The following VPS26B variants were observed in gnomAD, a reference collection of about 807,000 sequenced individuals.
VPS26B encodes vacuolar protein sorting-associated protein 26B.
In VPS26B, 10 loss-of-function variants were observed where a neutral mutation model predicts 33.3. The observed-to-expected ratio is 0.30, with a 90% CI of 0.19 to 0.51. VPS26B has a LOEUF of 0.51. Ranked by LOEUF, VPS26B falls within the 20% of genes least tolerant of loss-of-function variation. The pLI is 0.98. For synonymous variants in VPS26B, 190 were observed against 176.9 expected (o/e 1.07, Z -0.59); for missense variants, 317 against 452.7 (o/e 0.70, Z 2.72).
chr11:134,225,330 T>G lies in VPS26B; in HGVS notation c.208T>G (p.Phe70Val). ...GGAGCACCAGGGCATCAAGATCGAG[T>G]TCATCGGGCAGATCGGTGAGTCGAC... ...RLEHQGIKIEFIGQIELYYDR... is the reference protein window; with the variant it reads ...RLEHQGIKIEVIGQIELYYDR... Residue 70 changes from phenylalanine to valine, a missense_variant, in exon 1 of 6, where the codon TTC (phenylalanine) becomes GTC (valine). Transcript: ENST00000281187. The G allele has an allele frequency of 6.2e-7, 1 of 1,613,136 alleles. No homozygotes were observed. The highest frequency in any genetic ancestry group is 8.5e-7 in the Non-Finnish European group (1 of 1,179,682).
In VPS26B at chr11:134,244,730, G is replaced by A; in HGVS notation, c.722-208G>A. On this transcript the variant is annotated intron_variant, in intron 4 of 5. Transcript: ENST00000281187. The surrounding 1 kb of genome is among the most constrained non-coding windows in gnomAD (Gnocchi z 4.0). ...GCTCTCTGTTTTCGAGAAGACATGA[G>A]AAGCTGCAACATGACCTGGAGTGGA... 1.7e-6 allele frequency: 1 copy of A among 572,782 alleles called. No individual in the cohort carries two copies. The highest frequency in any genetic ancestry group is 3.0e-6 in the Non-Finnish European group (1 of 334,906). The allele number at this position is 572,782 out of a possible 1,614,324, so 35.5% of individuals were successfully genotyped here.
In VPS26B at chr11:134,225,021, C is replaced by A; in HGVS notation, c.-102C>A. ...GCCAGGCAGCCCCGCGGCGGCCGAG[C>A]GCGCTCGCGCATCGGGCCCTCTGGC... On this transcript the variant is annotated 5_prime_UTR_variant, in exon 1 of 6. Coordinates refer to ENST00000281187, the MANE Select transcript of VPS26B (RefSeq NM_052875.5). 1.8e-6 allele frequency: 2 copies of A among 1,138,704 alleles called. No individual in the cohort carries two copies. The highest frequency in any genetic ancestry group is 2.3e-6 in the Non-Finnish European group (2 of 871,850). 70.5% of individuals were successfully genotyped at this position (1,138,704 alleles called of 1,614,324 possible). A position where few individuals can be genotyped will look rare whatever the true frequency, so the allele number is the denominator to read the frequency against.
chr11:134,243,433 C>T (rs1448595458), intron 4 of VPS26B, 139 bp downstream of exon 4: 3 of 1,044,020 alleles, frequency 2.9e-6, no homozygotes, highest in African/African-American at 3.2e-5. Context: ...TCAGTTTACA[C>T]CGTGGGTGGC....
chr11:134,235,191 A>G (rs1938613513), intron 2 of VPS26B, 138 bp downstream of exon 2: 1 of 1,138,788 alleles, frequency 8.8e-7, no homozygotes. Context: ...CGTGCTGGTA[A>G]ACCATTAACC....
intron 3 of VPS26B, 69 bp from the exon 4 acceptor site, chr11:134,243,050 C>T (rs543897242): frequency 1.4e-4 from 210 of 1,529,674 alleles, no homozygotes; most frequent in Non-Finnish European, 1.8e-4. Context: ...GTGGCGTGTG[C>T]GCTCTACTGA....
Position 134,240,369 on chromosome 11 carries a change from C to T in VPS26B, c.545+214C>T, listed in dbSNP as rs1197540563. On this transcript the variant is annotated intron_variant, in intron 3 of 5. Coordinates refer to ENST00000281187, the MANE Select transcript of VPS26B (RefSeq NM_052875.5). The surrounding 1 kb of genome is among the most constrained non-coding windows in gnomAD (Gnocchi z 4.4). The stretch of plus-strand genomic sequence containing the variant: ...AAACACTTCATTTACCTAAACTAAA[C>T]CATATTCAACTAAGGTGGTGTCTTT... Among the ~76,000 whole-genome samples the T allele has an allele frequency of 6.6e-6, 1 of 152,182 alleles. No individual in the cohort carries two copies. Among genetic ancestry groups the T allele is most frequent in the Non-Finnish European group, 1.5e-5 (1 of 68,038 alleles).
At chr11:134,237,172 A>T (rs1938644721) in intron 2 of VPS26B, among the ~76,000 whole-genome samples, 1 of 152,222 alleles carries the variant, frequency 6.6e-6, no homozygotes. Flanking sequence ...TTTTGTCTTT[A>T]GGCAGAGAAA....
At chr11:134,231,845 G>A (rs1282398603) in intron 1 of VPS26B, among the ~76,000 whole-genome samples, 1 of 152,232 alleles carries the variant, frequency 6.6e-6, no homozygotes, top group South Asian at 2.1e-4. Context: ...TTACAGGCAT[G>A]AACCACTACG....
In VPS26B at chr11:134,246,761, T is replaced by A. The variant is rs1256243705; in HGVS notation, c.*1171T>A. On this transcript the variant is annotated 3_prime_UTR_variant, in exon 6 of 6. Coordinates refer to ENST00000281187, the MANE Select transcript of VPS26B (RefSeq NM_052875.5). ...GTTTAAAAAACACATATAAAAAAAC[T>A]CTTGTGAATATTCTTGTTATGCTAG... 3 of 152,252 alleles carry A rather than the reference T, an allele frequency of 2.0e-5. No individual in the cohort carries two copies. Among genetic ancestry groups the A allele is most frequent in the Non-Finnish European group, 4.4e-5 (3 of 68,004 alleles). 9.4% of individuals were successfully genotyped at this position (152,252 alleles called of 1,614,324 possible). A position where few individuals can be genotyped will look rare whatever the true frequency, so the allele number is the denominator to read the frequency against.
rs573933272 is a variant in VPS26B, at chr11:134,232,956, A to G, written c.224-1941A>G. On this transcript the variant is annotated intron_variant, in intron 1 of 5. Coordinates refer to ENST00000281187, the MANE Select transcript of VPS26B (RefSeq NM_052875.5). ...GCGGCTCCGCTTCTGCCTGTCATATACTTCTGACTTTTATTGGGGGGGCAC... is the reference window on the plus strand; with the variant it reads ...GCGGCTCCGCTTCTGCCTGTCATATGCTTCTGACTTTTATTGGGGGGGCAC... 7.9e-5 allele frequency among the ~76,000 whole-genome samples: 12 copies of G among 152,100 alleles called. 1 individual carries two copies. The South Asian group carries it at 2.5e-3, about 32-fold the overall frequency.
At chr11:134,242,321 C>T (rs116248641) in intron 3 of VPS26B, among the ~76,000 whole-genome samples, 1 of 152,278 alleles carries the variant, frequency 6.6e-6, no homozygotes, top group African/African-American at 2.4e-5. Flanking sequence ...TTTCTCTACC[C>T]CCTACTCACA....
At chr11:134,237,178 A>G (rs1298384544) in intron 2 of VPS26B, among the ~76,000 whole-genome samples, 1 of 152,216 alleles carries the variant, frequency 6.6e-6, no homozygotes, top group Admixed American at 6.5e-5. Flanking sequence ...CTTTAGGCAG[A>G]GAAAAGGTTA....
intron 1 of VPS26B, among the ~76,000 whole-genome samples, chr11:134,232,467 C>T (rs1005069273): frequency 1.2e-4 from 18 of 152,320 alleles, no homozygotes; most frequent in Middle Eastern, 3.4e-3. Flanking sequence ...TCTTCCATGA[C>T]ATTTGATGTC....
In VPS26B at chr11:134,225,362, G is replaced by A. The variant is rs749692279; in HGVS notation, c.223+17G>A. 1 of 1,612,608 alleles carries A rather than the reference G, an allele frequency of 6.2e-7. No individual in the cohort carries two copies. Among genetic ancestry groups the A allele is most frequent in the Non-Finnish European group, 8.5e-7 (1 of 1,179,432 alleles). ...GGCAGATCGGTGAGTCGACCCCCGG[G>A]ACCCCCTCCCCCAGCGCCGACAGCC... is the stretch of plus-strand genomic sequence containing the variant. On this transcript the variant is annotated intron_variant, in intron 1 of 5. Transcript: ENST00000281187.
At position 134,242,322 on chromosome 11, in the gene VPS26B, C is replaced by A. The variant is rs77527479; in HGVS notation, c.546-797C>A. Among the ~76,000 whole-genome samples the A allele has an allele frequency of 1.9e-4, 29 of 152,300 alleles. No individual in the cohort carries two copies. The East Asian group carries it at 4.0e-3, about 21-fold the overall frequency. On this transcript the variant is annotated intron_variant, in intron 3 of 5. Coordinates refer to ENST00000281187, the MANE Select transcript of VPS26B (RefSeq NM_052875.5). Reference sequence around the variant, plus strand: ...CTGGGTTTACCACCTTTCTCTACCCCCTACTCACATCCTGGTTATCCAAGA... The same window carrying A: ...CTGGGTTTACCACCTTTCTCTACCCACTACTCACATCCTGGTTATCCAAGA...
At chr11:134,239,236 C>G (rs1002557029) in intron 2 of VPS26B, among the ~76,000 whole-genome samples, 1 of 152,184 alleles carries the variant, frequency 6.6e-6, no homozygotes, top group African/African-American at 2.4e-5. Flanking sequence ...CTGTCTGCCC[C>G]TGTGGCATAT....
chr11:134,225,022 G>A lies in VPS26B; in HGVS notation c.-101G>A, dbSNP rs1477472727. 1.7e-6 allele frequency: 2 copies of A among 1,146,802 alleles called. No homozygotes were observed. Among genetic ancestry groups the A allele is most frequent in the Non-Finnish European group, 2.3e-6 (2 of 879,518 alleles). The allele number at this position is 1,146,802 out of a possible 1,614,324, so 71.0% of individuals were successfully genotyped here. A position where few individuals can be genotyped will look rare whatever the true frequency, so the allele number is the denominator to read the frequency against. ...CCAGGCAGCCCCGCGGCGGCCGAGC[G>A]CGCTCGCGCATCGGGCCCTCTGGCC... On this transcript the variant is annotated 5_prime_UTR_variant, in exon 1 of 6. Coordinates refer to ENST00000281187, the MANE Select transcript of VPS26B (RefSeq NM_052875.5).
In VPS26B at chr11:134,247,618, C is replaced by T. The variant is rs1411711309; in HGVS notation, c.*2028C>T. ...CTTAAGGTCCCCAAACCTGGGAGTG[C>T]ATAGGTACTAAATCAAGCAGTGCAA... On this transcript the variant is annotated 3_prime_UTR_variant, in exon 6 of 6. Transcript: ENST00000281187. 1 of 152,816 alleles carries T rather than the reference C, an allele frequency of 6.5e-6. No individual in the cohort carries two copies. The highest frequency in any genetic ancestry group is 1.5e-5 in the Non-Finnish European group (1 of 68,200). The allele number at this position is 152,816 out of a possible 1,614,324, so 9.5% of individuals were successfully genotyped here.
chr11:134,243,434 C>T (rs906535637), intron 4 of VPS26B, 140 bp downstream of exon 4: 65 of 1,041,418 alleles, frequency 6.2e-5, no homozygotes, highest in African/African-American at 6.4e-5. Context: ...CAGTTTACAC[C>T]GTGGGTGGCC....
Sources: allele counts gnomAD v4.1 joint callset (sites outside exome capture counted in the v4.1 genomes callset), GRCh38; gene constraint gnomAD v4.1.1; non-coding constraint Gnocchi (gnomAD v3.1); transcripts MANE v1.5; gene names NCBI Gene and HGNC (gene_info 2026-07-23, HGNC 2026-07-21).